Variants in THSD1 observed in about 807,000 individuals in gnomAD.
THSD1 encodes thrombospondin type 1 domain containing 1, also known as thrombospondin type-1 domain-containing protein 1.
Under a neutral mutation model 46.3 loss-of-function variants are expected in THSD1, and 34 were observed. That is an observed-to-expected ratio of 0.74 (90% confidence interval 0.56 to 0.98). The LOEUF is 0.98. THSD1 is among the 50% of genes least tolerant of loss of function. The pLI, the probability that THSD1 is intolerant of heterozygous loss-of-function variation, is 0.00. For missense variants in THSD1, 1,023 were observed against 1,058.3 expected (o/e 0.97, Z 0.46); for synonymous variants, 407 against 416.5 (o/e 0.98, Z 0.28).
At chr13:52,385,560 G>C (rs1256790485) in intron 4 of THSD1, among the ~76,000 whole-genome samples, 1 of 148,512 alleles carries the variant, frequency 6.7e-6, no homozygotes, top group Non-Finnish European at 1.5e-5. Flanking sequence ...GGCCACTCAG[G>C]GTATAGGACA....
At chr13:52,400,636 T>A (rs2137748408) in intron 2 of THSD1, among the ~76,000 whole-genome samples, 1 of 152,056 alleles carries the variant, frequency 6.6e-6, no homozygotes, top group East Asian at 1.9e-4. Context: ...AAAACTACAA[T>A]TTGGTTCTAC....
intron 1 of THSD1, among the ~76,000 whole-genome samples, chr13:52,403,445 T>C (rs972571876): frequency 6.6e-6 from 1 of 152,190 alleles, no homozygotes; most frequent in Non-Finnish European, 1.5e-5. Context: ...CTTGCTGGCC[T>C]GTGGTTCAGT....
chr13:52,383,978 G>C (rs574308568), intron 4 of THSD1: 19 of 193,876 alleles, frequency 9.8e-5, no homozygotes, highest in African/African-American at 4.3e-4. Context: ...CGAGGCAGGC[G>C]GATCACCTGA....
At position 52,377,444 on chromosome 13, in the gene THSD1, T is replaced by G. The variant is rs1323709210; in HGVS notation, c.2526A>C (p.Thr842=). Residue 842 remains threonine, a synonymous_variant, in exon 5 of 5, where the codon ACA becomes ACC. Transcript: ENST00000258613. The part of the protein sequence containing the change: ...YFGSNEEDET[T]STLSVEKLVI ...CCAGCTTCTCCACGCTAAGTGTACT[T>G]GTGGTTTCATCCTCTTCATTTGACC... 3.2e-6 allele frequency: 5 copies of G among 1,542,586 alleles called. No homozygotes were observed. Among genetic ancestry groups the G allele is most frequent in the Non-Finnish European group, 4.4e-6 (5 of 1,139,530 alleles).
At chr13:52,390,012 C>A (rs1335214234) in intron 3 of THSD1, among the ~76,000 whole-genome samples, 1 of 151,932 alleles carries the variant, frequency 6.6e-6, no homozygotes, top group Non-Finnish European at 1.5e-5. Context: ...TAGTGCCATG[C>A]ACCTGTAGTA....
At chr13:52,403,390 T>C (rs981517245) in intron 1 of THSD1, among the ~76,000 whole-genome samples, 2 of 152,188 alleles carry the variant, frequency 1.3e-5, no homozygotes, top group Non-Finnish European at 2.9e-5. Flanking sequence ...AGATCGGTGG[T>C]TCACACAGCA....
chr13:52,403,407 C>T (rs928698629), intron 1 of THSD1, among the ~76,000 whole-genome samples: 5 of 152,256 alleles, frequency 3.3e-5, no homozygotes, highest in African/African-American at 1.2e-4. Context: ...AGCAATCTTC[C>T]CAGTCTACCT....
chr13:52,397,580 C>T lies in THSD1; in HGVS notation c.673G>A (p.Asp225Asn). The T allele has an allele frequency of 6.2e-7, 1 of 1,614,170 alleles. No individual in the cohort carries two copies. The highest frequency in any genetic ancestry group is 8.5e-7 in the Non-Finnish European group (1 of 1,180,024). Residue 225 changes from aspartate (D) to asparagine (N), a missense_variant, in exon 3 of 5, where the codon GAC becomes AAC. By Grantham distance (23) the Asp-to-Asn change is conservative. This residue lies in a region of THSD1 where 429 missense variants were observed against 518.3 expected (regional missense o/e 0.83). Transcript: ENST00000258613. ...GGTCCTGTGGAGGTAATGACTGAGTCTCGCCCAAGCAGCTTCAGCACCACG... is the reference window on the plus strand; with the variant it reads ...GGTCCTGTGGAGGTAATGACTGAGTTTCGCCCAAGCAGCTTCAGCACCACG... ...VTVVLKLLGR[D>N]SVITSTGPID... is the part of the protein sequence containing the mutation.
In THSD1 at chr13:52,378,019, T is replaced by C. The variant is rs199634130; in HGVS notation, c.1951A>G (p.Arg651Gly). The C allele has an allele frequency of 6.2e-7, 1 of 1,614,166 alleles. No homozygotes were observed. Among genetic ancestry groups the C allele is most frequent in the South Asian group, 1.1e-5 (1 of 91,082 alleles). ...ERSHARNAHFRRTASFHEARQ... is the reference protein window; with the variant it reads ...ERSHARNAHFGRTASFHEARQ... Reference sequence around the variant, plus strand: ...GCTTCATGGAAACTCGCTGTCCTCCTGAAATGGGCGTTCCTGGCATGGCTC... The same window carrying C: ...GCTTCATGGAAACTCGCTGTCCTCCCGAAATGGGCGTTCCTGGCATGGCTC... The change falls in exon 5 of 5, where the codon AGG becomes GGG. Residue 651 changes from arginine to glycine, a missense_variant. Physicochemically the swap from Arg to Gly is moderately radical, Grantham distance 125 (BLOSUM62 -2). Coordinates refer to ENST00000258613, the MANE Select transcript of THSD1 (RefSeq NM_018676.4).
intron 4 of THSD1, among the ~76,000 whole-genome samples, chr13:52,382,074 A>G (rs1429440407): frequency 6.6e-6 from 1 of 152,188 alleles, no homozygotes; most frequent in African/African-American, 2.4e-5. Context: ...ATTTAGAGAG[A>G]AGAGCATGAA....
Position 52,377,700 on chromosome 13 carries a change from T to TG in THSD1, c.2269dup (p.His757ProfsTer27), listed in dbSNP as rs778167624. 4 of 1,611,534 alleles carry TG rather than the reference T, an allele frequency of 2.5e-6. No homozygotes were observed. In the South Asian group the frequency reaches 4.4e-5, roughly 18 times the overall value. ...GGGGGACGGTCCCCGACGAGCTCTG[T>TG]GGGGCTCTGTTCTCTCAATTCCGGC... On this transcript the variant is annotated frameshift_variant, in exon 5 of 5. Transcript: ENST00000258613. LOFTEE classifies it high-confidence loss of function.
In THSD1 at chr13:52,397,249, AG is replaced by A. The variant is rs770531659; in HGVS notation, c.1003del (p.Leu335Ter). 4 of 1,597,872 alleles carry A rather than the reference AG, an allele frequency of 2.5e-6. No homozygotes were observed. The South Asian group carries it at 4.6e-5, about 18-fold the overall frequency. On this transcript the variant is annotated frameshift_variant, in exon 3 of 5. Transcript: ENST00000258613. LOFTEE classifies it high-confidence loss of function. ...SHFSAKEECMLIQRNTETWGL... is the reference protein window; with the variant it reads ...SHFSAKEECMXIQRNTETWGL... ...ATACAAACCTGTATTTCTCTGAATT[AG>A]CATGCACTCCTCCTTTGCAGAAAAA... is the stretch of plus-strand genomic sequence containing the variant.
Position 52,378,686 on chromosome 13 carries a change from A to G in THSD1, c.1284T>C (p.Ile428=). The G allele has an allele frequency of 2.5e-6, 4 of 1,614,066 alleles. No homozygotes were observed. The highest frequency in any genetic ancestry group is 3.4e-6 in the Non-Finnish European group (4 of 1,180,028). The change falls in exon 5 of 5, where the codon ATT becomes ATC. Residue 428 remains isoleucine, a synonymous_variant. Coordinates refer to ENST00000258613, the MANE Select transcript of THSD1 (RefSeq NM_018676.4). ...TGISLCLFII[I]ATVLITLWRR... ...TCCACAGCGTGATGAGCACAGTGGC[A>G]ATGATGATGAACAAGCACAAGGATA...
chr13:52,382,754 A>G (rs1957702437), intron 4 of THSD1, among the ~76,000 whole-genome samples: 1 of 151,852 alleles, frequency 6.6e-6, no homozygotes, highest in Non-Finnish European at 1.5e-5. Flanking sequence ...TAATCCCAGC[A>G]CTTTGGGAGG....
chr13:52,384,150 C>CT, intron 4 of THSD1: 1 of 339,732 alleles, frequency 2.9e-6, no homozygotes, highest in Non-Finnish European at 5.7e-6. Flanking sequence ...CACCATTGCA[C>CT]TCCAGCCTGG....
intron 3 of THSD1, among the ~76,000 whole-genome samples, chr13:52,394,804 C>G (rs1308304817): frequency 6.6e-6 from 1 of 152,122 alleles, no homozygotes; most frequent in East Asian, 1.9e-4. Flanking sequence ...CATAGCAGCA[C>G]GAGTCAGGTT....
intron 1 of THSD1, among the ~76,000 whole-genome samples, chr13:52,405,146 T>G (rs1026570872): frequency 1.3e-5 from 2 of 152,226 alleles, no homozygotes; most frequent in Non-Finnish European, 2.9e-5. Context: ...CTAGCATTCT[T>G]GTATGTAAAC....
At chr13:52,386,233 C>A in intron 3 of THSD1, 47 bp from the exon 4 acceptor site, 2 of 1,569,772 alleles carry the variant, frequency 1.3e-6, no homozygotes, top group South Asian at 2.3e-5. Flanking sequence ...ATTTGAGAAT[C>A]AGTATTTAAC....
chr13:52,386,035 C>G lies in THSD1; in HGVS notation c.1173G>C (p.Glu391Asp), dbSNP rs1957727821. Residue 391 changes from glutamate (E) to aspartate (D), a missense_variant, in exon 4 of 5, where the codon GAG becomes GAC. Transcript: ENST00000258613. The stretch of plus-strand genomic sequence containing the variant: ...GGAAGCAAGAATACCTACCAGCACA[C>G]TCCTCCAGGGAACACAGGGAGGCCT... The part of the protein sequence containing the change: ...SLEASLCSLE[E>D]CAAFQPSSPS... 1 of 1,613,680 alleles carries G rather than the reference C, an allele frequency of 6.2e-7. No homozygotes were observed. Among genetic ancestry groups the G allele is most frequent in the African/African-American group, 1.3e-5 (1 of 74,892 alleles).
Sources: gnomAD v4.1 joint callset for allele counts (sites outside exome capture counted in the v4.1 genomes callset) on GRCh38, gnomAD v4.1.1 for gene constraint, gnomAD v4.1.1 regional missense constraint, MANE v1.5 for transcripts, NCBI Gene and HGNC (gene_info 2026-07-23, HGNC 2026-07-21) for gene names.